Variants in RIN3 observed in about 807,000 individuals in gnomAD.
The protein encoded by RIN3 is Ras and Rab interactor 3, also known as RAB5 interacting protein 3.
A neutral mutation model predicts 76.3 loss-of-function variants in RIN3; 54 were observed. That is an observed-to-expected ratio of 0.71 (90% confidence interval 0.57 to 0.89). The LOEUF is 0.89. Ranked by LOEUF, RIN3 falls within the 40% of genes least tolerant of loss-of-function variation. RIN3 has a pLI of 0.00. For synonymous variants in RIN3, 576 were observed against 564.0 expected, an observed-to-expected ratio of 1.02 and a Z score of -0.30; for missense variants, 1,256 against 1,322.1, an observed-to-expected ratio of 0.95 and a Z score of 0.78.
At chr14:92,650,414 T>C (rs1268218868) in intron 5 of RIN3, among the ~76,000 whole-genome samples, 1 of 152,214 alleles carries the variant, frequency 6.6e-6, no homozygotes, top group Non-Finnish European at 1.5e-5. Flanking sequence ...AAGGAGCCCG[T>C]GGGCTCACGC....
chr14:92,548,685 C>T (rs188764342), intron 1 of RIN3, among the ~76,000 whole-genome samples: 147 of 152,276 alleles, frequency 9.7e-4, no homozygotes, highest in African/African-American at 3.3e-3. Context: ...CTGTGTCTCT[C>T]TGTGCCTTTC....
chr14:92,526,643 C>T (rs1051385470), intron 1 of RIN3, among the ~76,000 whole-genome samples: 5 of 152,144 alleles, frequency 3.3e-5, no homozygotes, highest in African/African-American at 1.2e-4. Flanking sequence ...GTTCCAGCTA[C>T]TCAGGAGGCT....
chr14:92,646,695 C>T (rs1296232125), intron 5 of RIN3, among the ~76,000 whole-genome samples: 3 of 152,208 alleles, frequency 2.0e-5, no homozygotes, highest in Admixed American at 2.0e-4. Context: ...CCCGCCTCGG[C>T]CTCCCAAAGT....
intron 2 of RIN3, among the ~76,000 whole-genome samples, chr14:92,572,307 C>G (rs1898081165): frequency 6.6e-6 from 1 of 152,240 alleles, no homozygotes; most frequent in South Asian, 2.1e-4. Context: ...GCCTTCTTCC[C>G]TTACCAGTCC....
intron 2 of RIN3, among the ~76,000 whole-genome samples, chr14:92,570,062 G>C (rs1898021822): frequency 6.6e-6 from 1 of 152,226 alleles, no homozygotes; most frequent in Non-Finnish European, 1.5e-5. Context: ...GCCCTGCCAT[G>C]TGGCTGTGCT....
intron 4 of RIN3, among the ~76,000 whole-genome samples, chr14:92,633,918 A>G (rs1029880744): frequency 2.6e-5 from 4 of 151,774 alleles, no homozygotes; most frequent in African/African-American, 9.7e-5. Context: ...CTGTGTCATG[A>G]TGTCAAAAGT....
At position 92,515,228 on chromosome 14, in the gene RIN3, CG is replaced by C; in HGVS notation, c.44+1254del. Reference sequence around the variant, plus strand: ...GACCTCTGCAAAGACAAATACCATCCGGTGGGAAGAACTGGGAATCCGTTGG... The same window carrying C: ...GACCTCTGCAAAGACAAATACCATCCGTGGGAAGAACTGGGAATCCGTTGG... On this transcript the variant is annotated intron_variant, in intron 1 of 9. Transcript: ENST00000216487. The C allele has an allele frequency of 4.3e-6, 3 of 700,362 alleles. No homozygotes were observed. The East Asian group carries it at 8.1e-5, about 19-fold the overall frequency. The allele number at this position is 700,362 out of a possible 1,614,324, so 43.4% of individuals were successfully genotyped here.
chr14:92,687,601 G>A (rs1024862478), intron 9 of RIN3: 9 of 389,458 alleles, frequency 2.3e-5, no homozygotes, highest in African/African-American at 1.7e-4. Flanking sequence ...CACCTGGAGG[G>A]AGGGAGGGAG....
At chr14:92,617,203 A>G (rs905258527) in intron 4 of RIN3, among the ~76,000 whole-genome samples, 3 of 152,130 alleles carry the variant, frequency 2.0e-5, no homozygotes, top group African/African-American at 4.8e-5. Flanking sequence ...AGGAGGCTGA[A>G]ACAGGAGAAT....
intron 1 of RIN3, among the ~76,000 whole-genome samples, chr14:92,529,089 AC>A (rs1243867250): frequency 1.3e-5 from 2 of 151,004 alleles, no homozygotes; most frequent in African/African-American, 4.9e-5. Context: ...GCTGGTGGAG[AC>A]CCCCCTGCTC....
intron 9 of RIN3, chr14:92,686,797 G>C (rs1888872880): frequency 6.5e-6 from 1 of 153,086 alleles, no homozygotes; most frequent in Non-Finnish European, 1.5e-5. Flanking sequence ...CCTTCCCTGG[G>C]GAGGGGAAGC....
chr14:92,667,154 A>G (rs1322744653), intron 7 of RIN3, among the ~76,000 whole-genome samples: 1 of 152,156 alleles, frequency 6.6e-6, no homozygotes, highest in Non-Finnish European at 1.5e-5. Flanking sequence ...GCCTTGTGAC[A>G]TTGACGGGGT....
intron 2 of RIN3, among the ~76,000 whole-genome samples, chr14:92,567,463 A>G (rs1195629128): frequency 6.6e-6 from 1 of 151,950 alleles, no homozygotes; most frequent in Non-Finnish European, 1.5e-5. Context: ...TGATGGCCTC[A>G]CTCATGTGTC....
intron 1 of RIN3, among the ~76,000 whole-genome samples, chr14:92,526,212 T>C (rs1013526459): frequency 2.0e-5 from 3 of 152,114 alleles, no homozygotes; most frequent in Non-Finnish European, 2.9e-5. Flanking sequence ...TCCCAGCACT[T>C]TGGGAGGCCG....
intron 3 of RIN3, among the ~76,000 whole-genome samples, chr14:92,592,815 A>G (rs1007158555): frequency 3.3e-5 from 5 of 151,814 alleles, no homozygotes; most frequent in South Asian, 2.1e-4. Context: ...AGCTGAGATG[A>G]CAAGGCTGCA....
chr14:92,519,414 G>A (rs1896531660), intron 1 of RIN3, among the ~76,000 whole-genome samples: 1 of 152,202 alleles, frequency 6.6e-6, no homozygotes, highest in Non-Finnish European at 1.5e-5. Context: ...GGTTTCTCAG[G>A]CGGGGAGCCC....
chr14:92,545,565 T>G (rs1466729769), intron 1 of RIN3, among the ~76,000 whole-genome samples: 1 of 142,852 alleles, frequency 7.0e-6, no homozygotes, highest in South Asian at 2.2e-4. Flanking sequence ...TCTCTATTTT[T>G]TTTCTTTTTT....
intron 8 of RIN3, among the ~76,000 whole-genome samples, chr14:92,682,166 C>G (rs1032736423): frequency 6.6e-6 from 1 of 152,166 alleles, no homozygotes; most frequent in Non-Finnish European, 1.5e-5. Flanking sequence ...AGATTACAGG[C>G]GTGAGCCACC....
chr14:92,639,920 G>A lies in RIN3; in HGVS notation c.441-1318G>A, dbSNP rs1441125393. ...TCAGAGGCTGCCTGACTGTGCGTTC[G>A]TCGGGGGCTGCCTGACTGTGCGTTT... On this transcript the variant is annotated intron_variant, in intron 4 of 9. Transcript: ENST00000216487. Among the ~76,000 whole-genome samples, 18 of 141,610 alleles carry A rather than the reference G, an allele frequency of 1.3e-4. No individual in the cohort carries two copies. In the South Asian group the frequency reaches 3.9e-3, roughly 31 times the overall value. The allele number at this position is 141,610 out of a possible 152,430, so 92.9% of individuals were successfully genotyped here. A position where few individuals can be genotyped will look rare whatever the true frequency, so the allele number is the denominator to read the frequency against.
Sources: allele counts gnomAD v4.1 joint callset (sites outside exome capture counted in the v4.1 genomes callset), GRCh38; gene constraint gnomAD v4.1.1; transcripts MANE v1.5; gene names NCBI Gene and HGNC (gene_info 2026-07-23, HGNC 2026-07-21).